Variants in TENM4 observed in about 807,000 individuals in gnomAD.
The protein encoded by TENM4 is teneurin-4.
TENM4 carries 82 observed loss-of-function variants against 243.3 expected under a neutral mutation model. That is an observed-to-expected ratio of 0.34 (90% CI 0.28 to 0.40). TENM4 has a LOEUF of 0.40. Among genes scored for constraint, TENM4 ranks in the 10% least tolerant of loss-of-function variants. The probability of loss-of-function intolerance (pLI) is 1.00; values close to 1 mark genes in which losing one functional copy is unlikely to be tolerated. For missense variants in TENM4, 3,138 were observed against 3,673.3 expected (o/e 0.85, Z 3.77); for synonymous variants, 1,412 against 1,456.3 (o/e 0.97, Z 0.69).
At chr11:78,871,236 G>A (rs1455900654) in intron 9 of TENM4, among the ~76,000 whole-genome samples, 2 of 152,162 alleles carry the variant, frequency 1.3e-5, no homozygotes, top group Non-Finnish European at 2.9e-5. Context: ...CTATAAGACG[G>A]TGATAATAAT....
intron 6 of TENM4, among the ~76,000 whole-genome samples, chr11:78,995,718 G>A (rs1858157911): frequency 6.7e-6 from 1 of 148,612 alleles, no homozygotes; most frequent in Non-Finnish European, 1.5e-5. Context: ...CTTAATATAT[G>A]ACATTGGAGG....
chr11:79,214,927 T>C (rs1864020316), intron 3 of TENM4, among the ~76,000 whole-genome samples: 1 of 152,236 alleles, frequency 6.6e-6, no homozygotes, highest in African/African-American at 2.4e-5. Flanking sequence ...AGAAATAAAC[T>C]TCCGCTATGT....
At chr11:79,304,707 G>A (rs913854592) in intron 1 of TENM4, among the ~76,000 whole-genome samples, 3 of 152,158 alleles carry the variant, frequency 2.0e-5, no homozygotes, top group Non-Finnish European at 2.9e-5. Flanking sequence ...GTGGCTTAGT[G>A]GGGCCAAAAG....
chr11:79,121,868 A>C (rs971145542), intron 4 of TENM4, among the ~76,000 whole-genome samples: 2 of 152,242 alleles, frequency 1.3e-5, no homozygotes, highest in African/African-American at 4.8e-5. Flanking sequence ...CCAGTTTCTG[A>C]ATCTATAAAA....
intron 1 of TENM4, among the ~76,000 whole-genome samples, chr11:79,381,176 C>G (rs117245744): frequency 1.7e-3 from 259 of 152,204 alleles, no homozygotes; most frequent in Non-Finnish European, 3.1e-3. Flanking sequence ...GGCAACAGTG[C>G]TCCCCAGGTA....
At chr11:78,826,632 G>A (rs1255635736) in intron 12 of TENM4, among the ~76,000 whole-genome samples, 1 of 151,908 alleles carries the variant, frequency 6.6e-6, no homozygotes. Flanking sequence ...CCTTCCATAG[G>A]GTTACTGTCC....
chr11:78,762,820 G>T (rs1856458332), intron 18 of TENM4, among the ~76,000 whole-genome samples: 1 of 152,134 alleles, frequency 6.6e-6, no homozygotes, highest in African/African-American at 2.4e-5. Flanking sequence ...CAGTGAGGGG[G>T]AATGGCTCCC....
In TENM4 at chr11:78,702,388, G is replaced by C. The variant is rs745342573; in HGVS notation, c.4225C>G (p.Pro1409Ala). ...MDISQVHLEW[P>A]TDLAINPMDN... ...ATTGGGTTGATGGCTAAGTCTGTGG[G>C]CCACTCCAGGTGAACCTGACAATGA... Residue 1409 changes from proline (P) to alanine (A), a missense_variant, in exon 28 of 34, where the codon CCC (proline) becomes GCC (alanine). Physicochemically the swap from Pro to Ala is conservative, Grantham distance 27. Coordinates refer to ENST00000278550, the MANE Select transcript of TENM4 (RefSeq NM_001098816.3). 6.2e-7 allele frequency: 1 copy of C among 1,611,668 alleles called. No individual in the cohort carries two copies. Among genetic ancestry groups the C allele is most frequent in the Admixed American group, 1.7e-5 (1 of 60,002 alleles).
intron 10 of TENM4, among the ~76,000 whole-genome samples, chr11:78,857,171 C>G (rs1378835330): frequency 1.3e-5 from 2 of 152,148 alleles, no homozygotes; most frequent in Admixed American, 6.5e-5. Flanking sequence ...GGAAGACCAC[C>G]CTTAGCACAC....
intron 4 of TENM4, among the ~76,000 whole-genome samples, chr11:79,119,191 G>A (rs1335075319): frequency 6.6e-6 from 1 of 152,134 alleles, no homozygotes; most frequent in African/African-American, 2.4e-5. Context: ...CACCTGTTAA[G>A]CAAATAAATT....
chr11:78,926,085 T>C (rs1856546227), intron 6 of TENM4, among the ~76,000 whole-genome samples: 1 of 151,992 alleles, frequency 6.6e-6, no homozygotes, highest in African/African-American at 2.4e-5. Context: ...GAGAAGGTAG[T>C]GTGGGAATCT....
chr11:79,134,083 T>C (rs923188417), intron 4 of TENM4, among the ~76,000 whole-genome samples: 1 of 152,112 alleles, frequency 6.6e-6, no homozygotes, highest in Non-Finnish European at 1.5e-5. Context: ...GATATGATTG[T>C]TTACCTTGAA....
Position 79,069,996 on chromosome 11 carries a change from C to T in TENM4, c.-52G>A, listed in dbSNP as rs1860370367. 6.5e-7 allele frequency: 1 copy of T among 1,528,622 alleles called. No homozygotes were observed. The highest frequency in any genetic ancestry group is 2.0e-5 in the Admixed American group (1 of 50,016). The allele number at this position is 1,528,622 out of a possible 1,614,324, so 94.7% of individuals were successfully genotyped here. ...CCACAAACAGGGTCCTCGCCGCACT[C>T]AGGGCCGAGTGGTCTAGAGCCAGGG... On this transcript the variant is annotated 5_prime_UTR_variant, in exon 5 of 34. Transcript: ENST00000278550.
intron 7 of TENM4, among the ~76,000 whole-genome samples, chr11:78,896,065 A>G (rs1855786893): frequency 6.6e-6 from 1 of 152,160 alleles, no homozygotes; most frequent in Non-Finnish European, 1.5e-5. Flanking sequence ...GGCAGAGCAA[A>G]GGGCTTTTGG....
At chr11:78,808,178 T>C (rs1218041275) in intron 14 of TENM4, among the ~76,000 whole-genome samples, 1 of 152,218 alleles carries the variant, frequency 6.6e-6, no homozygotes, top group East Asian at 1.9e-4. Flanking sequence ...CAGACACAAA[T>C]GGGCAAAAAC....
chr11:78,907,872 C>T (rs544362396), intron 6 of TENM4, among the ~76,000 whole-genome samples: 1 of 152,272 alleles, frequency 6.6e-6, no homozygotes, highest in South Asian at 2.1e-4. Flanking sequence ...GATATAGCTA[C>T]CAAGTATATC....
At chr11:78,822,699 G>A (rs1857759967) in intron 12 of TENM4, among the ~76,000 whole-genome samples, 1 of 151,950 alleles carries the variant, frequency 6.6e-6, no homozygotes, top group Non-Finnish European at 1.5e-5. Context: ...AAACCTGCAC[G>A]TCATGCACAT....
In TENM4 at chr11:78,670,135, G is replaced by A. The variant is rs183577258; in HGVS notation, c.6210C>T (p.Arg2070=). Residue 2070 remains arginine (R), a synonymous_variant, in exon 32 of 34, where the codon CGC becomes CGT. Transcript: ENST00000278550. Reference sequence around the variant, plus strand: ...CGTTGACCATGCCTTCCTCAGTGAAGCGGAAGATCTGTCGGTCAATCAGGG... The same window carrying A: ...CGTTGACCATGCCTTCCTCAGTGAAACGGAAGATCTGTCGGTCAATCAGGG... The part of the protein sequence containing the change: ...IGPLIDRQIF[R]FTEEGMVNAR... 26 of 1,613,982 alleles carry A rather than the reference G, an allele frequency of 1.6e-5. No homozygotes were observed. The Admixed American group carries it at 4.2e-4, about 26-fold the overall frequency.
intron 3 of TENM4, among the ~76,000 whole-genome samples, chr11:79,158,161 T>C (rs992983390): frequency 1.3e-5 from 2 of 152,246 alleles, no homozygotes; most frequent in African/African-American, 2.4e-5. Flanking sequence ...TCTGCAGATT[T>C]GCTGGGGAAT....
Sources: gnomAD v4.1 joint callset for allele counts (sites outside exome capture counted in the v4.1 genomes callset) on GRCh38, gnomAD v4.1.1 for gene constraint, MANE v1.5 for transcripts, NCBI Gene and HGNC (gene_info 2026-07-23, HGNC 2026-07-21) for gene names.